The following NDE1 variants were observed in gnomAD, a reference collection of about 807,000 sequenced individuals.
NDE1 encodes nudE neurodevelopment protein 1.
Under a neutral mutation model 43.4 loss-of-function variants are expected in NDE1, and 28 were observed. The observed-to-expected ratio is 0.65, with a 90% CI of 0.48 to 0.89. The LOEUF is 0.89. NDE1 is among the 40% of genes least tolerant of loss of function. NDE1 has a pLI of 0.00. For missense variants in NDE1, 441 were observed against 434.1 expected (o/e 1.02, Z -0.14); for synonymous variants, 184 against 172.0 (o/e 1.07, Z -0.55).
intron 3 of NDE1, among the ~76,000 whole-genome samples, chr16:15,674,194 C>T (rs914276826): frequency 5.3e-5 from 8 of 152,216 alleles, no homozygotes; most frequent in Middle Eastern, 3.4e-3. Context: ...TCTCTCCTCT[C>T]CTTTTCTCTC....
At chr16:15,650,382 G>A (rs1393118218) in intron 1 of NDE1, 88 bp downstream of exon 1, 3 of 170,782 alleles carry the variant, frequency 1.8e-5, no homozygotes, top group Non-Finnish European at 3.8e-5. Context: ...CCCGCCCCAG[G>A]ATCCCGGGAC....
chr16:15,717,776 A>G (rs1409855826), intron 8 of NDE1: 1 of 276,808 alleles, frequency 3.6e-6, no homozygotes, highest in East Asian at 9.2e-5. Flanking sequence ...AGCCTGGGCC[A>G]CAGAGAGACC....
chr16:15,661,755 G>C (rs1398238633), intron 1 of NDE1, among the ~76,000 whole-genome samples: 1 of 152,050 alleles, frequency 6.6e-6, no homozygotes, highest in Non-Finnish European at 1.5e-5. Context: ...CCTTCTGGAA[G>C]TCTTTATCTC....
chr16:15,660,628 C>T (rs2151423203), intron 1 of NDE1, among the ~76,000 whole-genome samples: 1 of 152,148 alleles, frequency 6.6e-6, no homozygotes. Flanking sequence ...TCTTTTTCAC[C>T]TCCCAGTTAC....
chr16:15,703,833 A>AG (rs745665629), intron 8 of NDE1: 14 of 968,382 alleles, frequency 1.4e-5, no homozygotes, highest in Non-Finnish European at 2.3e-5. Flanking sequence ...TCCTTGTGTG[A>AG]GGGGTGTCTG....
In NDE1 at chr16:15,725,207, G is replaced by A; in HGVS notation, c.*956G>A. The A allele has an allele frequency of 1.6e-6, 1 of 615,330 alleles. No homozygotes were observed. The highest frequency in any genetic ancestry group is 2.9e-6 in the Non-Finnish European group (1 of 350,700). The allele number at this position is 615,330 out of a possible 1,614,324, so 38.1% of individuals were successfully genotyped here. A position where few individuals can be genotyped will look rare whatever the true frequency, so the allele number is the denominator to read the frequency against. ...GCTTGAAGGGAACTCCGTCACCTAT[G>A]AGTTGGGACCCTGGCCCTAGACTCT... On this transcript the variant is annotated 3_prime_UTR_variant, in exon 9 of 9. Transcript: ENST00000396354.
chr16:15,722,090 C>G (rs8052322), intron 8 of NDE1, among the ~76,000 whole-genome samples: 1,846 of 152,120 alleles, frequency 0.012, 37 homozygotes, highest in African/African-American at 0.036. Flanking sequence ...ACTCCTGACC[C>G]TCAAGTGAGC....
upstream of NDE1, among the ~76,000 whole-genome samples, chr16:15,647,703 C>T (rs1244923220): frequency 6.6e-6 from 1 of 152,092 alleles, no homozygotes; most frequent in African/African-American, 2.4e-5. Context: ...TGACTGTATT[C>T]ACTGTGCTGT....
chr16:15,705,109 C>T (rs573282677), intron 8 of NDE1, among the ~76,000 whole-genome samples: 1 of 152,274 alleles, frequency 6.6e-6, no homozygotes, highest in African/African-American at 2.4e-5. Context: ...TATTGAGTAG[C>T]TGGGACTACA....
At position 15,660,621 on chromosome 16, in the gene NDE1, T is replaced by G. The variant is rs563654014; in HGVS notation, c.-43-4115T>G. 3.3e-5 allele frequency among the ~76,000 whole-genome samples: 5 copies of G among 152,256 alleles called. No homozygotes were observed. In the South Asian group the frequency reaches 1.0e-3, roughly 32 times the overall value. On this transcript the variant is annotated intron_variant, in intron 1 of 8. Transcript: ENST00000396354. ...CTCCAGAATTCCATCGCTTTCCTCT[T>G]TTTCACCTCCCAGTTACTCCTGCAC...
At chr16:15,710,676 TTTTTG>T (rs2039732210) in intron 8 of NDE1, among the ~76,000 whole-genome samples, 1 of 150,364 alleles carries the variant, frequency 6.7e-6, no homozygotes, top group Admixed American at 6.7e-5. Flanking sequence ...CATCTGAGGG[TTTTTG>T]TTTTTTGTTT....
At chr16:15,673,312 C>T (rs1014167404) in intron 3 of NDE1, among the ~76,000 whole-genome samples, 2 of 151,936 alleles carry the variant, frequency 1.3e-5, no homozygotes, top group Non-Finnish European at 2.9e-5. Flanking sequence ...CGGGCTCAAG[C>T]GATTCCCCTG....
At chr16:15,715,335 T>G in intron 8 of NDE1, 1 of 1,513,876 alleles carries the variant, frequency 6.6e-7, no homozygotes, top group Non-Finnish European at 9.2e-7. Flanking sequence ...AGCTGGTGTG[T>G]CACCTGGAGG....
At chr16:15,676,722 G>C (rs2037900802) in intron 3 of NDE1, among the ~76,000 whole-genome samples, 1 of 152,076 alleles carries the variant, frequency 6.6e-6, no homozygotes, top group African/African-American at 2.4e-5. Flanking sequence ...GGAGTGCAGT[G>C]GTGCCTTCAC....
chr16:15,647,390 T>C (rs2036351857), upstream of NDE1, among the ~76,000 whole-genome samples: 1 of 152,230 alleles, frequency 6.6e-6, no homozygotes. Flanking sequence ...TGTTAATTAC[T>C]AGTTGTAAGA....
At chr16:15,690,337 CTTTTTTTTTTTTTTTCTTTTTTTTTTTTT>C (rs1236444136) in intron 5 of NDE1, among the ~76,000 whole-genome samples, 22 of 74,104 alleles carry the variant, frequency 3.0e-4, no homozygotes, top group Middle Eastern at 0.021. Flanking sequence ...TGCAACTGGC[CTTTTTTTTTTTTTTTCTTTTTTTTTTTTT>C]TTTTTTTTTT....
intron 1 of NDE1, among the ~76,000 whole-genome samples, chr16:15,654,582 CAGAG>C (rs2036662655): frequency 2.2e-5 from 2 of 90,778 alleles, no homozygotes; most frequent in African/African-American, 9.0e-5. Flanking sequence ...GCCTGGGCAA[CAGAG>C]AAAGAGATTC....
At chr16:15,697,795 G>GTT (rs563392527) in intron 8 of NDE1, among the ~76,000 whole-genome samples, 1 of 145,702 alleles carries the variant, frequency 6.9e-6, no homozygotes. Context: ...TTCCCCTGAA[G>GTT]TTTTTTTTTT....
At chr16:15,705,444 A>G (rs34868865) in intron 8 of NDE1, among the ~76,000 whole-genome samples, 5,159 of 152,254 alleles carry the variant, frequency 0.034, 130 homozygotes, top group South Asian at 0.094. Flanking sequence ...GAGTGGGCAG[A>G]AGAAGGAAAA....
Sources: allele counts gnomAD v4.1 joint callset (sites outside exome capture counted in the v4.1 genomes callset), GRCh38; gene constraint gnomAD v4.1.1; transcripts MANE v1.5; gene names NCBI Gene and HGNC (gene_info 2026-07-23, HGNC 2026-07-21).